ARHGEF4: variants seen among roughly 807,000 people sequenced by gnomAD.
ARHGEF4 encodes Rho guanine nucleotide exchange factor 4.
In ARHGEF4, 119 loss-of-function variants were observed where a neutral mutation model predicts 162.0. The ratio of observed to expected loss-of-function variants is 0.73; its 90% CI spans 0.63 to 0.86. The LOEUF (loss-of-function observed/expected upper bound fraction) is 0.86. Ranked by LOEUF, ARHGEF4 falls within the 40% of genes least tolerant of loss-of-function variation. ARHGEF4 has a pLI of 0.00. For synonymous variants in ARHGEF4, 1,014 were observed against 979.9 expected, an observed-to-expected ratio of 1.03 and a Z score of -0.65; for missense variants, 2,488 against 2,456.0, an observed-to-expected ratio of 1.01 and a Z score of -0.28.
intron 1 of ARHGEF4, among the ~76,000 whole-genome samples, chr2:130,894,900 A>G (rs552423343): frequency 6.6e-6 from 1 of 152,246 alleles, no homozygotes; most frequent in South Asian, 2.1e-4. Flanking sequence ...TGGTTATCTT[A>G]TGGAGATTAC....
intron 4 of ARHGEF4, among the ~76,000 whole-genome samples, chr2:130,976,349 C>CG (rs1553434498): frequency 1.4e-5 from 2 of 147,984 alleles, no homozygotes; most frequent in Non-Finnish European, 3.0e-5. Context: ...GTGTGTGTGT[C>CG]TGTGTGTGTG....
At chr2:131,000,730 A>G (rs1184193229) in intron 4 of ARHGEF4, among the ~76,000 whole-genome samples, 1 of 152,224 alleles carries the variant, frequency 6.6e-6, no homozygotes, top group East Asian at 1.9e-4. Context: ...AACTGAAGCA[A>G]GCCACAGTCA....
chr2:130,885,660 C>T (rs1679476776), intron 1 of ARHGEF4, among the ~76,000 whole-genome samples: 1 of 149,208 alleles, frequency 6.7e-6, no homozygotes, highest in South Asian at 2.1e-4. Flanking sequence ...ACCTCTGCCT[C>T]CTGGGTTCAA....
At chr2:130,906,884 G>C (rs1185723388) in intron 1 of ARHGEF4, among the ~76,000 whole-genome samples, 1 of 152,154 alleles carries the variant, frequency 6.6e-6, no homozygotes, top group East Asian at 1.9e-4. Flanking sequence ...TGTGGGTGTG[G>C]GTATGGGTGG....
intron 2 of ARHGEF4, among the ~76,000 whole-genome samples, 172 bp downstream of exon 2, chr2:130,917,670 C>T (rs543670632): frequency 1.4e-4 from 21 of 152,244 alleles, no homozygotes; most frequent in African/African-American, 4.6e-4. Flanking sequence ...GGGTGACCAA[C>T]TTCTTGAACG....
chr2:130,866,278 G>C (rs1263696730), intron 1 of ARHGEF4, among the ~76,000 whole-genome samples: 1 of 152,128 alleles, frequency 6.6e-6, no homozygotes. Flanking sequence ...CAGCTACTCG[G>C]GAGACTGAGG....
rs149365221 is a variant in ARHGEF4, at chr2:130,914,076, T to G, written c.130T>G (p.Trp44Gly). 3,390 of 1,536,094 alleles carry G rather than the reference T, an allele frequency of 2.2e-3. 6 individuals are homozygous for G. The highest frequency in any genetic ancestry group is 2.7e-3 in the Non-Finnish European group (3,059 of 1,146,910). The change falls in exon 2 of 14, where the codon TGG (tryptophan) becomes GGG (glycine). Residue 44 changes from tryptophan to glycine, a missense_variant. This residue lies in a region of ARHGEF4 where 171 missense variants were observed against 169.4 expected (regional missense o/e 1.01). Transcript: ENST00000409359. ...CCCTGCAGAACAAGTGGAGCAGGGA[T>G]GGAACCAGCAAACAGACCGCGATGA... ...TSPAEQVEQGWNQQTDRDDSE... is the reference protein window; with the variant it reads ...TSPAEQVEQGGNQQTDRDDSE...
chr2:130,885,365 ATTACAGGCG>A (rs1393495798), intron 1 of ARHGEF4, among the ~76,000 whole-genome samples: 1 of 152,016 alleles, frequency 6.6e-6, no homozygotes, highest in Non-Finnish European at 1.5e-5. Context: ...ATGTGCTGGG[ATTACAGGCG>A]TGAGCCACCG....
intron 4 of ARHGEF4, among the ~76,000 whole-genome samples, chr2:131,010,530 G>A (rs1688379873): frequency 6.6e-6 from 1 of 152,190 alleles, no homozygotes; most frequent in Non-Finnish European, 1.5e-5. Context: ...ATTCTCTGAC[G>A]TGAAATTAGG....
intron 1 of ARHGEF4, among the ~76,000 whole-genome samples, chr2:130,896,102 T>C (rs1223668645): frequency 6.6e-6 from 1 of 152,206 alleles, no homozygotes; most frequent in Non-Finnish European, 1.5e-5. Flanking sequence ...TCCAGTATTA[T>C]TTGTTGAAAA....
intron 1 of ARHGEF4, among the ~76,000 whole-genome samples, chr2:130,878,435 G>A (rs915519918): frequency 6.6e-6 from 1 of 152,204 alleles, no homozygotes; most frequent in Non-Finnish European, 1.5e-5. Flanking sequence ...TCTGCCTTCT[G>A]TAGGACAGAG....
chr2:130,982,568 C>T (rs1185477262), intron 4 of ARHGEF4, among the ~76,000 whole-genome samples: 1 of 149,204 alleles, frequency 6.7e-6, no homozygotes, highest in Non-Finnish European at 1.5e-5. Context: ...CCTCCTCCTC[C>T]TCCCCCTTCT....
chr2:130,976,717 G>A, intron 4 of ARHGEF4, among the ~76,000 whole-genome samples: 1 of 152,224 alleles, frequency 6.6e-6, no homozygotes, highest in East Asian at 1.9e-4. Flanking sequence ...TCTCAGACTG[G>A]GGGCAAGAGC....
chr2:130,906,343 ACC>A (rs1680811092), intron 1 of ARHGEF4, among the ~76,000 whole-genome samples: 1 of 152,128 alleles, frequency 6.6e-6, no homozygotes, highest in African/African-American at 2.4e-5. Flanking sequence ...GTATATATTA[ACC>A]CATATATACA....
At chr2:130,945,482 T>G (rs1000218232) in intron 3 of ARHGEF4, among the ~76,000 whole-genome samples, 1 of 151,914 alleles carries the variant, frequency 6.6e-6, no homozygotes, top group African/African-American at 2.4e-5. Context: ...GGGAATAGGG[T>G]GGGAGAAATC....
chr2:131,024,247 A>G (rs1023349241), intron 4 of ARHGEF4, among the ~76,000 whole-genome samples: 12 of 152,218 alleles, frequency 7.9e-5, no homozygotes, highest in Admixed American at 5.2e-4. Flanking sequence ...TCACAATAAA[A>G]CATCTTTTGT....
chr2:130,946,128 G>A (rs1046265155), intron 3 of ARHGEF4, among the ~76,000 whole-genome samples: 5 of 152,164 alleles, frequency 3.3e-5, no homozygotes, highest in Non-Finnish European at 7.3e-5. Flanking sequence ...CACGGATTTC[G>A]TGAGTTGTGT....
chr2:131,010,609 C>T (rs1242708056), intron 4 of ARHGEF4, among the ~76,000 whole-genome samples: 1 of 152,216 alleles, frequency 6.6e-6, no homozygotes, highest in African/African-American at 2.4e-5. Flanking sequence ...CTTTGGACAG[C>T]ATTGCATGCT....
chr2:131,017,514 G>A (rs1198546399), intron 4 of ARHGEF4, among the ~76,000 whole-genome samples: 1 of 152,142 alleles, frequency 6.6e-6, no homozygotes, highest in South Asian at 2.1e-4. Context: ...CTGCAAATTT[G>A]CTAGATGAAC....
Sources: allele counts gnomAD v4.1 joint callset (sites outside exome capture counted in the v4.1 genomes callset), GRCh38; gene constraint gnomAD v4.1.1; regional missense constraint gnomAD v4.1.1; transcripts MANE v1.5; gene names NCBI Gene and HGNC (gene_info 2026-07-23, HGNC 2026-07-21).